The following TRHR variants were observed in gnomAD, a reference collection of about 807,000 sequenced individuals.
TRHR encodes thyrotropin releasing hormone receptor.
A neutral mutation model predicts 28.0 loss-of-function variants in TRHR; 14 were observed. That is an observed-to-expected ratio of 0.50 (90% CI 0.33 to 0.78). The LOEUF is 0.78. Among genes scored for constraint, TRHR ranks in the 30% least tolerant of loss-of-function variants. The probability of loss-of-function intolerance (pLI) is 0.02; values close to 1 mark genes in which losing one functional copy is unlikely to be tolerated. For synonymous variants in TRHR, 176 were observed against 171.9 expected (o/e 1.02, Z -0.18); for missense variants, 438 against 469.5 (o/e 0.93, Z 0.62).
At chr8:109,097,950 T>A (rs190389260) in intron 2 of TRHR, among the ~76,000 whole-genome samples, 73 of 152,254 alleles carry the variant, frequency 4.8e-4, no homozygotes, top group African/African-American at 1.7e-3. Context: ...TTCCCTACTG[T>A]CCTCATGTCA....
chr8:109,099,143 G>GAC (rs371775593), intron 2 of TRHR, among the ~76,000 whole-genome samples: 12,884 of 151,930 alleles, frequency 0.085, 832 homozygotes, highest in African/African-American at 0.19. Context: ...GTAAGGGAGA[G>GAC]ATTACAGAGA....
chr8:109,091,990 A>G (rs2129872933), intron 2 of TRHR, among the ~76,000 whole-genome samples: 1 of 152,356 alleles, frequency 6.6e-6, no homozygotes. Context: ...CAATATCTCT[A>G]TCATTGACTG....
At chr8:109,111,154 A>AAAAAC (rs529137712) in intron 2 of TRHR, among the ~76,000 whole-genome samples, 168 of 152,258 alleles carry the variant, frequency 1.1e-3, no homozygotes, top group Non-Finnish European at 1.7e-3. Context: ...TCCATCTCAA[A>AAAAAC]AAAACAAAAC....
At chr8:109,091,773 C>T (rs998383383) in intron 2 of TRHR, among the ~76,000 whole-genome samples, 7 of 152,048 alleles carry the variant, frequency 4.6e-5, no homozygotes, top group South Asian at 2.1e-4. Context: ...GGGTAAATTC[C>T]GTAAGATAAA....
At chr8:109,101,837 T>C (rs1237701868) in intron 2 of TRHR, among the ~76,000 whole-genome samples, 1 of 152,120 alleles carries the variant, frequency 6.6e-6, no homozygotes, top group East Asian at 1.9e-4. Flanking sequence ...CCAGAGTAGA[T>C]GTGATCACTA....
At chr8:109,117,962 G>A (rs1811944098) in intron 2 of TRHR, among the ~76,000 whole-genome samples, 1 of 151,994 alleles carries the variant, frequency 6.6e-6, no homozygotes, top group Non-Finnish European at 1.5e-5. Flanking sequence ...ATGAAGCTCA[G>A]TGAACAGTGA....
In TRHR at chr8:109,087,691, C is replaced by G; in HGVS notation, c.179C>G (p.Thr60Arg). 1 of 1,614,112 alleles carries G rather than the reference C, an allele frequency of 6.2e-7. No homozygotes were observed. Among genetic ancestry groups the G allele is most frequent in the Non-Finnish European group, 8.5e-7 (1 of 1,180,020 alleles). The change falls in exon 2 of 3, where the codon ACA (threonine) becomes AGA (arginine). Residue 60 changes from threonine to arginine, a missense_variant. Coordinates refer to ENST00000518632, the MANE Select transcript of TRHR (RefSeq NM_003301.7). ...VMRTKHMRTPTNCYLVSLAVA... is the reference protein window; with the variant it reads ...VMRTKHMRTPRNCYLVSLAVA... ...AGAACCAAGCACATGAGGACCCCCA[C>G]AAACTGCTACCTGGTGAGCCTGGCA...
At chr8:109,116,804 G>C (rs368031852) in intron 2 of TRHR, among the ~76,000 whole-genome samples, 3 of 151,954 alleles carry the variant, frequency 2.0e-5, no homozygotes, top group South Asian at 4.1e-4. Context: ...AAATCCCTGA[G>C]AGTAGGGAAA....
At chr8:109,106,853 C>T (rs557262918) in intron 2 of TRHR, among the ~76,000 whole-genome samples, 5 of 152,116 alleles carry the variant, frequency 3.3e-5, no homozygotes, top group Admixed American at 2.6e-4. Context: ...AGTGCCAGAG[C>T]CTCATGTTGC....
At chr8:109,116,163 T>C (rs1234860921) in intron 2 of TRHR, among the ~76,000 whole-genome samples, 1 of 152,158 alleles carries the variant, frequency 6.6e-6, no homozygotes, top group Non-Finnish European at 1.5e-5. Context: ...CACTTGATCA[T>C]GATGGATAAG....
At chr8:109,113,558 G>C (rs1811871974) in intron 2 of TRHR, among the ~76,000 whole-genome samples, 2 of 152,014 alleles carry the variant, frequency 1.3e-5, no homozygotes, top group South Asian at 4.1e-4. Flanking sequence ...ACGGGACTTT[G>C]GGTAAAATGT....
In TRHR at chr8:109,103,352, C is replaced by G. The variant is rs148672581; in HGVS notation, c.789+15051C>G. 3.3e-3 allele frequency among the ~76,000 whole-genome samples: 498 copies of G among 152,224 alleles called. 3 individuals are homozygous for G. The highest frequency in any genetic ancestry group is 3.0e-3 in the Non-Finnish European group (202 of 68,002). On this transcript the variant is annotated intron_variant, in intron 2 of 2. Coordinates refer to ENST00000518632, the MANE Select transcript of TRHR (RefSeq NM_003301.7). ...ACACATTTAGAAGCAATTCAATTAG[C>G]CTTGTGACAAAAGCAACGCACTCCA...
chr8:109,095,538 C>G (rs898745902), intron 2 of TRHR, among the ~76,000 whole-genome samples: 7 of 152,076 alleles, frequency 4.6e-5, no homozygotes, highest in Admixed American at 6.5e-5. Flanking sequence ...CCTGCTACAC[C>G]TAATTCCCGC....
At chr8:109,108,266 C>G (rs1490915815) in intron 2 of TRHR, among the ~76,000 whole-genome samples, 1 of 152,194 alleles carries the variant, frequency 6.6e-6, no homozygotes, top group Admixed American at 6.5e-5. Context: ...TCACCTCTCT[C>G]CTTCTCCATC....
At position 109,088,007 on chromosome 8, in the gene TRHR, T is replaced by C. The variant is rs1422656780; in HGVS notation, c.495T>C (p.Asp165=). The change falls in exon 2 of 3, where the codon GAT becomes GAC. Residue 165 remains aspartate (D), a synonymous_variant. Transcript: ENST00000518632. Reference sequence around the variant, plus strand: ...GTATGCTCTGGTTCTTCTTGCTGGATCTCAATATTAGCACCTACAAAGATG... The same window carrying C: ...GTATGCTCTGGTTCTTCTTGCTGGACCTCAATATTAGCACCTACAAAGATG... ...LYCMLWFFLL[D]LNISTYKDAI... 3 of 1,613,966 alleles carry C rather than the reference T, an allele frequency of 1.9e-6. No homozygotes were observed. The highest frequency in any genetic ancestry group is 2.5e-6 in the Non-Finnish European group (3 of 1,180,028).
At chr8:109,116,856 T>C (rs1456072558) in intron 2 of TRHR, among the ~76,000 whole-genome samples, 7 of 151,980 alleles carry the variant, frequency 4.6e-5, no homozygotes, top group Non-Finnish European at 8.8e-5. Flanking sequence ...TACTATTTAT[T>C]TGAGAGATCA....
At chr8:109,096,157 T>C (rs1037068796) in intron 2 of TRHR, among the ~76,000 whole-genome samples, 22 of 152,322 alleles carry the variant, frequency 1.4e-4, no homozygotes, top group African/African-American at 5.1e-4. Flanking sequence ...CTCACGTGGC[T>C]CTCCCAACTT....
At chr8:109,098,138 CTTTTTT>C (rs375844081) in intron 2 of TRHR, among the ~76,000 whole-genome samples, 1 of 145,554 alleles carries the variant, frequency 6.9e-6, no homozygotes, top group Admixed American at 6.9e-5. Context: ...TTTCTTTTTT[CTTTTTT>C]TTTTTGAGAC....
In TRHR at chr8:109,093,176, T is replaced by A. The variant is rs569522812; in HGVS notation, c.789+4875T>A. On this transcript the variant is annotated intron_variant, in intron 2 of 2. Transcript: ENST00000518632. ...GTCATATGAGATATATCAGAAAAAA[T>A]TCAGATCTGCTTTCCTCCCACCTGT... Among the ~76,000 whole-genome samples, 75 of 151,846 alleles carry A rather than the reference T, an allele frequency of 4.9e-4. 1 individual carries two copies. The highest frequency in any genetic ancestry group is 3.4e-3 in the Middle Eastern group (1 of 290).
Sources: gnomAD v4.1 joint callset for allele counts (sites outside exome capture counted in the v4.1 genomes callset) on GRCh38, gnomAD v4.1.1 for gene constraint, MANE v1.5 for transcripts, NCBI Gene and HGNC (gene_info 2026-07-23, HGNC 2026-07-21) for gene names.